IL16: variants seen among roughly 807,000 people sequenced by gnomAD.
The protein encoded by IL16 is interleukin 16.
IL16 carries 67 observed loss-of-function variants against 110.1 expected under a neutral mutation model. The observed-to-expected ratio is 0.61, with a 90% CI of 0.50 to 0.75. The LOEUF (loss-of-function observed/expected upper bound fraction) is 0.75, where lower values mean the gene tolerates loss of function less well. IL16 is among the 30% of genes least tolerant of loss of function. The pLI, the probability that IL16 is intolerant of heterozygous loss-of-function variation, is 0.00. For synonymous variants in IL16, 689 were observed against 662.9 expected (o/e 1.04, Z -0.61); for missense variants, 1,545 against 1,655.0 (o/e 0.93, Z 1.15).
At position 81,300,125 on chromosome 15, in the gene IL16, T is replaced by C; in HGVS notation, c.2799T>C (p.Thr933=). Residue 933 remains threonine (T), a synonymous_variant, in exon 14 of 19, where the codon ACT becomes ACC. Coordinates refer to ENST00000683961, the MANE Select transcript of IL16 (RefSeq NM_172217.5). ...CAGGGCGGCAGCCCAATCAGAAAAC[T>C]CTCCCCCCTGGCCCGGACCCGCTCC... is the stretch of plus-strand genomic sequence containing the variant. ...PPPGRQPNQK[T]LPPGPDPLLR... 1.9e-6 allele frequency: 3 copies of C among 1,599,228 alleles called. No homozygotes were observed. The highest frequency in any genetic ancestry group is 2.6e-6 in the Non-Finnish European group (3 of 1,172,422).
At chr15:81,209,098 A>C (rs1365226887) in intron 1 of IL16, among the ~76,000 whole-genome samples, 1 of 152,216 alleles carries the variant, frequency 6.6e-6, no homozygotes, top group African/African-American at 2.4e-5. Flanking sequence ...CAATGAATTC[A>C]ATCACATTTA....
chr15:81,202,569 G>T (rs1377186528), intron 1 of IL16, among the ~76,000 whole-genome samples: 1 of 149,722 alleles, frequency 6.7e-6, no homozygotes. Context: ...GTGAGAACAT[G>T]CAGTGTTTGG....
rs979543028 is a variant in IL16 at position 81,225,295 on chromosome 15, C to T, written c.-101-4C>T. On this transcript the variant is annotated splice_region_variant and splice_polypyrimidine_tract_variant and intron_variant, in intron 1 of 18. Transcript: ENST00000683961. ...TGCTTCTTCCCATTTCCTCTTTCCT[C>T]TAGGGACTCATGAAGTGGCAGCTAA... The T allele has an allele frequency of 6.6e-7, 1 of 1,523,792 alleles. No individual in the cohort carries two copies. The highest frequency in any genetic ancestry group is 8.8e-7 in the Non-Finnish European group (1 of 1,139,712). The allele number at this position is 1,523,792 out of a possible 1,614,324, so 94.4% of individuals were successfully genotyped here. A position where few individuals can be genotyped will look rare whatever the true frequency, so the allele number is the denominator to read the frequency against.
In IL16 at chr15:81,299,823, T is replaced by A; in HGVS notation, c.2497T>A (p.Ser833Thr). The stretch of plus-strand genomic sequence containing the variant: ...GCACCTAGGATCACACATCCGGGCC[T>A]CCTCCTCCTCCTCCTCCATCAGGCA... Reference protein sequence around the residue: ...REHLGSHIRASSSSSSIRQRI... With the variant: ...REHLGSHIRATSSSSSIRQRI... Residue 833 changes from serine to threonine, a missense_variant, in exon 14 of 19, where the codon TCC (serine) becomes ACC (threonine). This residue lies in a region of IL16 where 1,185 missense variants were observed against 1,238.8 expected (regional missense o/e 0.96). Coordinates refer to ENST00000683961, the MANE Select transcript of IL16 (RefSeq NM_172217.5). The A allele has an allele frequency of 6.3e-7, 1 of 1,588,382 alleles. No homozygotes were observed. Among genetic ancestry groups the A allele is most frequent in the African/African-American group, 1.3e-5 (1 of 74,350 alleles).
upstream of IL16, among the ~76,000 whole-genome samples, chr15:81,195,685 C>T (rs1471740568): frequency 1.3e-5 from 2 of 152,188 alleles, no homozygotes; most frequent in Non-Finnish European, 2.9e-5. Flanking sequence ...TTAAAGCCCC[C>T]AGGAAGCCCT....
At chr15:81,254,037 G>A (rs1233834461) in intron 2 of IL16, among the ~76,000 whole-genome samples, 5 of 152,176 alleles carry the variant, frequency 3.3e-5, no homozygotes, top group Non-Finnish European at 7.4e-5. Context: ...ATCAAAGCCT[G>A]TAGCCGTATG....
chr15:81,305,094 G>T (rs565331352), intron 16 of IL16, among the ~76,000 whole-genome samples: 2 of 152,296 alleles, frequency 1.3e-5, no homozygotes, highest in East Asian at 3.9e-4. Flanking sequence ...CTAGGAGAGT[G>T]TTTCTCAAAA....
chr15:81,272,475 A>G (rs1237096192), intron 5 of IL16, among the ~76,000 whole-genome samples: 1 of 152,174 alleles, frequency 6.6e-6, no homozygotes, highest in African/African-American at 2.4e-5. Context: ...AGCCACCTGT[A>G]CAATTCCAGG....
intron 1 of IL16, among the ~76,000 whole-genome samples, chr15:81,213,673 T>C (rs976607845): frequency 1.3e-5 from 2 of 152,222 alleles, no homozygotes; most frequent in African/African-American, 4.8e-5. Context: ...CTTTTATTGG[T>C]TTAAAGTCTG....
chr15:81,195,879 G>A (rs989487530), upstream of IL16, among the ~76,000 whole-genome samples: 26 of 152,172 alleles, frequency 1.7e-4, no homozygotes, highest in African/African-American at 5.1e-4. Context: ...AAGGGGCTAC[G>A]TGGGGGAAAG....
At position 81,308,989 on chromosome 15, in the gene IL16, A is replaced by G; in HGVS notation, c.*191A>G. 1 of 510,480 alleles carries G rather than the reference A, an allele frequency of 2.0e-6. No individual in the cohort carries two copies. The highest frequency in any genetic ancestry group is 3.5e-6 in the Non-Finnish European group (1 of 289,154). The allele number at this position is 510,480 out of a possible 1,614,324, so 31.6% of individuals were successfully genotyped here. A position where few individuals can be genotyped will look rare whatever the true frequency, so the allele number is the denominator to read the frequency against. On this transcript the variant is annotated 3_prime_UTR_variant, in exon 19 of 19. Transcript: ENST00000683961. Reference sequence around the variant, plus strand: ...AAAAGGTTGTTCCTAAAATAAGGGCAGAGTCACACGGGGGCAGCTGATACA... The same window carrying G: ...AAAAGGTTGTTCCTAAAATAAGGGCGGAGTCACACGGGGGCAGCTGATACA...
chr15:81,255,682 T>C (rs1457358341), intron 2 of IL16, among the ~76,000 whole-genome samples: 1 of 152,176 alleles, frequency 6.6e-6, no homozygotes, highest in Non-Finnish European at 1.5e-5. Flanking sequence ...TTCAGTGTCT[T>C]TTGGATAAGG....
In IL16 at chr15:81,265,851, G is replaced by T. The variant is rs1438948259; in HGVS notation, c.564+50G>T. The T allele has an allele frequency of 2.6e-6, 4 of 1,555,040 alleles. No individual in the cohort carries two copies. The African/African-American group carries it at 4.1e-5, about 16-fold the overall frequency. ...AGAGAAGAGTTTCTCCCGGGGAGAAGGGAGGGGCCCAACATTAACAGTGGC... is the reference window on the plus strand; with the variant it reads ...AGAGAAGAGTTTCTCCCGGGGAGAATGGAGGGGCCCAACATTAACAGTGGC... On this transcript the variant is annotated intron_variant, in intron 4 of 18. Coordinates refer to ENST00000683961, the MANE Select transcript of IL16 (RefSeq NM_172217.5).
At chr15:81,212,566 G>A (rs1016331460) in intron 1 of IL16, among the ~76,000 whole-genome samples, 2 of 151,810 alleles carry the variant, frequency 1.3e-5, no homozygotes, top group Admixed American at 1.3e-4. Flanking sequence ...TGACTCCCTG[G>A]GCTCAGGTGA....
chr15:81,205,233 G>T (rs539043303), intron 1 of IL16, among the ~76,000 whole-genome samples: 1 of 149,204 alleles, frequency 6.7e-6, no homozygotes, highest in African/African-American at 2.5e-5. Context: ...TTGAATCTGG[G>T]AGGCGGAGGT....
intron 2 of IL16, among the ~76,000 whole-genome samples, chr15:81,237,863 C>T (rs535021108): frequency 2.6e-5 from 4 of 151,694 alleles, no homozygotes; most frequent in African/African-American, 9.6e-5. Flanking sequence ...TTTTTATTCA[C>T]TCTACCAGTC....
intron 1 of IL16, among the ~76,000 whole-genome samples, chr15:81,191,688 A>T (rs1895499773): frequency 6.6e-6 from 1 of 152,212 alleles, no homozygotes; most frequent in Non-Finnish European, 1.5e-5. Context: ...TGAGTGGTCA[A>T]GAAAGATCCC....
intron 2 of IL16, 62 bp downstream of exon 2, chr15:81,225,773 A>G (rs993098067): frequency 1.6e-4 from 215 of 1,337,754 alleles, no homozygotes; most frequent in Non-Finnish European, 2.1e-4. Context: ...TGTGAATTAA[A>G]GTCTTTGAAT....
At chr15:81,288,453 T>C (rs982861121) in intron 10 of IL16, among the ~76,000 whole-genome samples, 2 of 152,224 alleles carry the variant, frequency 1.3e-5, no homozygotes, top group Admixed American at 1.3e-4. Flanking sequence ...TTTATTGTGG[T>C]AAAATACACA....
Sources: allele counts gnomAD v4.1 joint callset (sites outside exome capture counted in the v4.1 genomes callset), GRCh38; gene constraint gnomAD v4.1.1; regional missense constraint gnomAD v4.1.1; transcripts MANE v1.5; gene names NCBI Gene and HGNC (gene_info 2026-07-23, HGNC 2026-07-21).